NAA38: variants seen among roughly 807,000 people sequenced by gnomAD.
NAA38 encodes N-alpha-acetyltransferase 38, NatC auxiliary subunit, also known as LSM domain containing 1.
Under a neutral mutation model 12.6 loss-of-function variants are expected in NAA38, and 15 were observed. The observed-to-expected ratio is 1.19, with a 90% CI of 0.79 to 1.83. The LOEUF (loss-of-function observed/expected upper bound fraction) is 1.83, where lower values mean the gene tolerates loss of function less well. NAA38 is among the 40% of genes most tolerant of loss of function. NAA38 has a pLI of 0.00. For synonymous variants in NAA38, 88 were observed against 69.9 expected (o/e 1.26, Z -1.29); for missense variants, 183 against 171.7 (o/e 1.07, Z -0.37).
upstream of NAA38, chr17:7,857,874 A>G: frequency 7.2e-7 from 1 of 1,385,912 alleles, no homozygotes; most frequent in Non-Finnish European, 9.3e-7. Context: ...CAACTCCTGA[A>G]AGCGGCGCAA....
intron 2 of NAA38, chr17:7,866,622 TC>T: frequency 2.4e-6 from 2 of 818,394 alleles, no homozygotes; most frequent in Non-Finnish European, 3.3e-6. Context: ...TGTGGAACAA[TC>T]CACCCACCAC....
chr17:7,857,869 C>G, upstream of NAA38: 1 of 1,386,850 alleles, frequency 7.2e-7, no homozygotes, highest in Non-Finnish European at 9.3e-7. Flanking sequence ...CCCCGCAACT[C>G]CTGAAAGCGG....
At chr17:7,866,690 C>T (rs557929262) in intron 2 of NAA38, 2 of 404,490 alleles carry the variant, frequency 4.9e-6, no homozygotes, top group East Asian at 7.1e-5. Flanking sequence ...TATCTGATAC[C>T]TCCAGTTATG....
chr17:7,859,726 C>A, upstream of NAA38: 2 of 862,772 alleles, frequency 2.3e-6, no homozygotes, highest in Non-Finnish European at 1.9e-6. Flanking sequence ...CTCCACTCCT[C>A]TCCAGGAGCT....
chr17:7,869,680 T>C (rs1241486205), intron 2 of NAA38, among the ~76,000 whole-genome samples: 1 of 151,920 alleles, frequency 6.6e-6, no homozygotes, highest in African/African-American at 2.4e-5. Context: ...GGAGAATCGC[T>C]TCAACCCGGG....
chr17:7,873,117 A>G (rs896666682), intron 2 of NAA38, among the ~76,000 whole-genome samples: 2 of 152,218 alleles, frequency 1.3e-5, no homozygotes, highest in Non-Finnish European at 2.9e-5. Flanking sequence ...AAAAAGACTT[A>G]TATGTTGCCA....
intron 2 of NAA38, among the ~76,000 whole-genome samples, chr17:7,872,333 A>T (rs747051430): frequency 1.3e-5 from 2 of 152,096 alleles, no homozygotes; most frequent in Admixed American, 1.3e-4. Context: ...TCTCTAAAAA[A>T]TTTTTTGGTC....
chr17:7,857,620 TCTC>T (rs2078838972), upstream of NAA38: 5 of 1,360,330 alleles, frequency 3.7e-6, no homozygotes, highest in East Asian at 2.8e-5. Context: ...CTCGCGAGCT[TCTC>T]CTACTTCTCT....
chr17:7,858,440 C>T (rs1332976219), upstream of NAA38: 10 of 1,614,012 alleles, frequency 6.2e-6, no homozygotes, highest in African/African-American at 2.7e-5. Flanking sequence ...AAGTTGCAGG[C>T]CAGGATATCA....
chr17:7,865,409 T>A (rs1966946784), intron 3 of NAA38: 1 of 152,222 alleles, frequency 6.6e-6, no homozygotes, highest in Non-Finnish European at 1.5e-5. Context: ...ATTTTGCCAA[T>A]GAATCTGCAA....
At chr17:7,883,271 A>G (rs1024223624) in exon 2 of NAA38, 6 of 152,136 alleles carry the variant, frequency 3.9e-5, no homozygotes, top group East Asian at 1.9e-4. Context: ...TTTCTCTTTC[A>G]CGGTACCTCA....
intron 1 of NAA38, chr17:7,884,730 AGGAGGT>A: frequency 2.5e-5 from 5 of 197,072 alleles, no homozygotes; most frequent in East Asian, 6.6e-5. Flanking sequence ...GAGGAGGAGG[AGGAGGT>A]GGTGGTGGTA....
chr17:7,866,613 G>C, intron 2 of NAA38: 3 of 921,626 alleles, frequency 3.3e-6, no homozygotes, highest in Non-Finnish European at 4.3e-6. Flanking sequence ...GTTCCTCTGT[G>C]TGGAACAATC....
At chr17:7,877,372 A>T (rs1481522757) in intron 2 of NAA38, among the ~76,000 whole-genome samples, 7 of 146,216 alleles carry the variant, frequency 4.8e-5, no homozygotes, top group East Asian at 2.0e-4. Context: ...AAATGATGTC[A>T]TTTTTTTTTT....
At chr17:7,885,041 CCGCCGCCACCGCTGCCCCCGCCG>C in intron 1 of NAA38, 1 of 1,095,426 alleles carries the variant, frequency 9.1e-7, no homozygotes, top group Non-Finnish European at 1.1e-6. Context: ...GCCGCCGCCG[CCGCCGCCACCGCTGCCCCCGCCG>C]CCGCCGCCCC....
At chr17:7,881,231 A>G (rs1314007577) in intron 2 of NAA38, among the ~76,000 whole-genome samples, 1 of 151,362 alleles carries the variant, frequency 6.6e-6, no homozygotes, top group Non-Finnish European at 1.5e-5. Flanking sequence ...TACTTTTAAA[A>G]TGTTGTACCA....
intron 2 of NAA38, among the ~76,000 whole-genome samples, chr17:7,879,383 C>T (rs1967230143): frequency 6.6e-6 from 1 of 152,032 alleles, no homozygotes; most frequent in African/African-American, 2.4e-5. Flanking sequence ...GAGTTTTAAC[C>T]TGGGGTCCAA....
In NAA38 at chr17:7,856,715, G is replaced by A; in HGVS notation, c.*16C>T. Reference sequence around the variant, plus strand: ...TCATAAGTTTAATGAAGTCTGAAAGGTAAGCGCCATCGTGGTCAGAGATAC... The same window carrying A: ...TCATAAGTTTAATGAAGTCTGAAAGATAAGCGCCATCGTGGTCAGAGATAC... On this transcript the variant is annotated 3_prime_UTR_variant, in exon 3 of 3. Coordinates refer to ENST00000575771, the MANE Select transcript of NAA38 (RefSeq NM_001320925.4). 3.1e-6 allele frequency: 5 copies of A among 1,601,292 alleles called. No individual in the cohort carries two copies. Among genetic ancestry groups the A allele is most frequent in the Non-Finnish European group, 4.3e-6 (5 of 1,168,530 alleles).
chr17:7,856,866 C>T lies in NAA38; in HGVS notation c.266-23G>A, dbSNP rs536396052. ...AATCTGGAAAGAAGGATCAGAGCAT[C>T]AGGAAAGTAGGCCAGAATCAGTCCC... On this transcript the variant is annotated intron_variant, in intron 2 of 2. Transcript: ENST00000575771. The T allele has an allele frequency of 1.6e-5, 25 of 1,611,738 alleles. No individual in the cohort carries two copies. In the East Asian group the frequency reaches 5.6e-4, roughly 36 times the overall value.
Sources: allele counts gnomAD v4.1 joint callset (sites outside exome capture counted in the v4.1 genomes callset), GRCh38; gene constraint gnomAD v4.1.1; transcripts MANE v1.5; gene names NCBI Gene and HGNC (gene_info 2026-07-23, HGNC 2026-07-21).